REV1: variants seen among roughly 807,000 people sequenced by gnomAD.
REV1 encodes the protein REV1 DNA directed polymerase.
REV1 carries 42 observed loss-of-function variants against 137.4 expected under a neutral mutation model. That is an observed-to-expected ratio of 0.31 (90% CI 0.24 to 0.40). The LOEUF is 0.40. REV1 is among the 10% of genes least tolerant of loss of function. The pLI is 1.00. For missense variants in REV1, 1,282 were observed against 1,490.1 expected, an observed-to-expected ratio of 0.86 and a Z score of 2.30; for synonymous variants, 524 against 519.2, an observed-to-expected ratio of 1.01 and a Z score of -0.12.
intron 11 of REV1, among the ~76,000 whole-genome samples, chr2:99,419,627 C>T (rs1417507585): frequency 1.3e-5 from 2 of 152,048 alleles, no homozygotes; most frequent in East Asian, 1.9e-4. Context: ...AAAAAGTGCG[C>T]GACTGGACTG....
At chr2:99,414,281 A>G (rs184051317) in intron 12 of REV1, among the ~76,000 whole-genome samples, 4 of 152,348 alleles carry the variant, frequency 2.6e-5, no homozygotes, top group East Asian at 1.9e-4. Context: ...GAACCAGTAT[A>G]TAACACAAGG....
chr2:99,405,501 C>T (rs904970069), intron 17 of REV1: 14 of 156,434 alleles, frequency 8.9e-5, no homozygotes, highest in Non-Finnish European at 1.7e-4. Flanking sequence ...AGCCCACACA[C>T]GCTGAATTAA....
intron 3 of REV1, among the ~76,000 whole-genome samples, chr2:99,457,699 AAAG>A (rs1308811477): frequency 1.3e-5 from 2 of 152,018 alleles, no homozygotes; most frequent in Non-Finnish European, 2.9e-5. Flanking sequence ...AAAAAAAAAA[AAAG>A]AGAGAGAGAG....
intron 1 of REV1, among the ~76,000 whole-genome samples, chr2:99,475,547 C>T (rs1046458959): frequency 6.6e-6 from 1 of 152,148 alleles, no homozygotes; most frequent in African/African-American, 2.4e-5. Flanking sequence ...TTACTTTTTA[C>T]AGACCTGACA....
upstream of REV1, chr2:99,490,081 C>CT: frequency 1.3e-5 from 2 of 148,248 alleles, no homozygotes; most frequent in Non-Finnish European, 3.0e-5. Context: ...TCCGCGCGCG[C>CT]TCCCCGGCCC....
intron 1 of REV1, among the ~76,000 whole-genome samples, chr2:99,474,843 A>C (rs1285471450): frequency 6.6e-6 from 1 of 152,130 alleles, no homozygotes; most frequent in Non-Finnish European, 1.5e-5. Context: ...CAGAGGTTGC[A>C]ATGAGCCGAG....
chr2:99,466,282 A>T lies in REV1; in HGVS notation c.-10-1297T>A, dbSNP rs955471180. ...TTTTGAGACAAAGTCTTGCTCTGTC[A>T]CCCAGGCTGAAGTGCAGTGGCACGA... On this transcript the variant is annotated intron_variant, in intron 1 of 22. Coordinates refer to ENST00000258428, the MANE Select transcript of REV1 (RefSeq NM_016316.4). Among the ~76,000 whole-genome samples, 4 of 130,968 alleles carry T rather than the reference A, an allele frequency of 3.1e-5. No individual in the cohort carries two copies. In the East Asian group the frequency reaches 9.7e-4, roughly 32 times the overall value. The allele number at this position is 130,968 out of a possible 152,430, so 85.9% of individuals were successfully genotyped here. A position where few individuals can be genotyped will look rare whatever the true frequency, so the allele number is the denominator to read the frequency against.
chr2:99,465,813 A>C (rs1319473461), intron 1 of REV1, among the ~76,000 whole-genome samples: 2 of 152,098 alleles, frequency 1.3e-5, no homozygotes, highest in African/African-American at 2.4e-5. Context: ...TTACCATATG[A>C]AGCCTTATAT....
chr2:99,437,146 A>AT (rs1201571257), intron 6 of REV1, among the ~76,000 whole-genome samples: 45 of 149,136 alleles, frequency 3.0e-4, no homozygotes, highest in Admixed American at 8.0e-4. Flanking sequence ...CGCCCAGCTA[A>AT]TTTTTTTTTT....
At chr2:99,418,385 C>T (rs1272610766) in intron 12 of REV1, among the ~76,000 whole-genome samples, 1 of 152,146 alleles carries the variant, frequency 6.6e-6, no homozygotes, top group Non-Finnish European at 1.5e-5. Context: ...CACACACATT[C>T]TATTTATACT....
At chr2:99,477,151 G>T (rs1686069869) in intron 1 of REV1, among the ~76,000 whole-genome samples, 1 of 152,200 alleles carries the variant, frequency 6.6e-6, no homozygotes, top group Admixed American at 6.5e-5. Context: ...TTTAGTAATG[G>T]AACACCTCTC....
In REV1 at chr2:99,438,686, T is replaced by C; in HGVS notation, c.1128A>G (p.Gln376=). 6.2e-7 allele frequency: 1 copy of C among 1,614,158 alleles called. No individual in the cohort carries two copies. Among genetic ancestry groups the C allele is most frequent in the Non-Finnish European group, 8.5e-7 (1 of 1,179,996 alleles). The change falls in exon 6 of 23, where the codon CAA becomes CAG. Residue 376 remains glutamine (Q), a synonymous_variant. Coordinates refer to ENST00000258428, the MANE Select transcript of REV1 (RefSeq NM_016316.4). ...CTGGAAAGATACCATTACTTTGTCT[T>C]TGTAGGGTATTGACAAACTCAGTCA... is the stretch of plus-strand genomic sequence containing the variant. ...CELTEFVNTL[Q]RQSNGIFPGR... is the part of the protein sequence containing the mutation.
rs563532749 is a variant in REV1 at position 99,404,487 on chromosome 2, C to A, written c.3002G>T (p.Ser1001Ile). ...LQIPEPQESN[S>I]DAGINLIALP... ...GGCTATTAAATTTATTCCTGCGTCA[C>A]TGTTCGATTCTTGAGGTTCTGGTAT... The change falls in exon 18 of 23, where the codon AGT becomes ATT. Residue 1001 changes from serine (S) to isoleucine (I), a missense_variant. Physicochemically the swap from Ser to Ile is moderately radical, Grantham distance 142. Coordinates refer to ENST00000258428, the MANE Select transcript of REV1 (RefSeq NM_016316.4). 3.4e-5 allele frequency: 55 copies of A among 1,614,046 alleles called. No individual in the cohort carries two copies. Among genetic ancestry groups the A allele is most frequent in the Non-Finnish European group, 4.1e-5 (48 of 1,180,024 alleles).
rs903583336 is a variant in REV1, at chr2:99,400,690, A to G, written c.*551T>C. On this transcript the variant is annotated 3_prime_UTR_variant, in exon 23 of 23. Coordinates refer to ENST00000258428, the MANE Select transcript of REV1 (RefSeq NM_016316.4). ...GGTGTGAGGGTGTTTCTAATTCAAA[A>G]TATGTAGATTTCTCCGCATGGAAGA... 1.3e-5 allele frequency: 2 copies of G among 152,238 alleles called. No individual in the cohort carries two copies. The highest frequency in any genetic ancestry group is 2.9e-5 in the Non-Finnish European group (2 of 68,048). The allele number at this position is 152,238 out of a possible 1,614,324, so 9.4% of individuals were successfully genotyped here. A position where few individuals can be genotyped will look rare whatever the true frequency, so the allele number is the denominator to read the frequency against.
rs572796748 is a variant in REV1, at chr2:99,412,197, CACTCCACCCTGGGCAACAAAGTGAG to C, written c.2172+509_2172+533del. Among the ~76,000 whole-genome samples, 395 of 144,554 alleles carry C rather than the reference CACTCCACCCTGGGCAACAAAGTGAG, an allele frequency of 2.7e-3. 3 individuals carry two copies. In the East Asian group the frequency reaches 0.027, roughly 10 times the overall value. The allele number at this position is 144,554 out of a possible 152,430, so 94.8% of individuals were successfully genotyped here. ...GCAGTGAGCCGAGACTGCGCCACTG[CACTCCACCCTGGGCAACAAAGTGAG>C]ACTCCACCCTGGGCAACAAAGTGAG... On this transcript the variant is annotated intron_variant, in intron 13 of 22. Transcript: ENST00000258428.
intron 2 of REV1, among the ~76,000 whole-genome samples, chr2:99,463,566 T>C (rs1189325774): frequency 1.3e-5 from 2 of 152,172 alleles, no homozygotes; most frequent in Non-Finnish European, 2.9e-5. Flanking sequence ...ATGTACACAA[T>C]TGAGCAAGCT....
At position 99,436,990 on chromosome 2, in the gene REV1, G is replaced by GTTT. The variant is rs749608176; in HGVS notation, c.1214-1052_1214-1050dup. On this transcript the variant is annotated intron_variant, in intron 6 of 22. Transcript: ENST00000258428. Reference sequence around the variant, plus strand: ...CTAATTCTCCCCCAACTTTTTTTTTGTTTTTTTTTTTTTTTTGAGATAGGG... The same window carrying GTTT: ...CTAATTCTCCCCCAACTTTTTTTTTGTTTTTTTTTTTTTTTTTTTGAGATAGGG... Among the ~76,000 whole-genome samples, 321 of 128,888 alleles carry GTTT rather than the reference G, an allele frequency of 2.5e-3. 8 individuals are homozygous for GTTT. The highest frequency in any genetic ancestry group is 8.3e-3 in the African/African-American group (289 of 34,754). The allele number at this position is 128,888 out of a possible 152,430, so 84.6% of individuals were successfully genotyped here.
At chr2:99,459,067 GCGTGGTGGTGGCCACCTGTAGTCC>G (rs1683861073) in intron 3 of REV1, among the ~76,000 whole-genome samples, 3 of 152,228 alleles carry the variant, frequency 2.0e-5, no homozygotes, top group Admixed American at 2.0e-4. Flanking sequence ...AATTAGCCAG[GCGTGGTGGTGGCCACCTGTAGTCC>G]CAGCTACTCG....
intron 16 of REV1, 104 bp from the exon 17 acceptor site, chr2:99,406,210 A>T: frequency 1.4e-6 from 2 of 1,403,806 alleles, no homozygotes; most frequent in African/African-American, 2.9e-5. Flanking sequence ...ATTCATCATA[A>T]TGAAGAATAT....
Sources: gnomAD v4.1 joint callset for allele counts (sites outside exome capture counted in the v4.1 genomes callset) on GRCh38, gnomAD v4.1.1 for gene constraint, MANE v1.5 for transcripts, NCBI Gene and HGNC (gene_info 2026-07-23, HGNC 2026-07-21) for gene names.